Variants in KIF13B observed in about 807,000 individuals in gnomAD.
KIF13B encodes kinesin-like protein KIF13B.
A neutral mutation model predicts 222.0 loss-of-function variants in KIF13B; 127 were observed. The observed-to-expected ratio is 0.57, with a 90% confidence interval of 0.50 to 0.66. KIF13B has a LOEUF of 0.66. KIF13B is among the 30% of genes least tolerant of loss of function. The pLI is 0.00. For missense variants in KIF13B, 2,173 were observed against 2,379.0 expected, an observed-to-expected ratio of 0.91 and a Z score of 1.80; for synonymous variants, 976 against 919.0, an observed-to-expected ratio of 1.06 and a Z score of -1.12.
At chr8:29,072,879 AC>A (rs962755508) in intron 38 of KIF13B, among the ~76,000 whole-genome samples, 33 of 152,012 alleles carry the variant, frequency 2.2e-4, no homozygotes, top group Non-Finnish European at 3.4e-4. Flanking sequence ...GCCCCTGCCC[AC>A]CCCCAACCTC....
At chr8:29,211,335 G>A (rs1431755488) in intron 2 of KIF13B, among the ~76,000 whole-genome samples, 2 of 152,260 alleles carry the variant, frequency 1.3e-5, no homozygotes, top group African/African-American at 4.8e-5. Context: ...TGAAGCAAAT[G>A]TGTTCAGACG....
rs569351315 is a variant in KIF13B at position 29,248,308 on chromosome 8, G to A, written c.56-2869C>T. Reference sequence around the variant, plus strand: ...CCAAATGTCCATCAACTGACCAATGGGTAAATGTGGCATATCCCTAGCGCA... The same window carrying A: ...CCAAATGTCCATCAACTGACCAATGAGTAAATGTGGCATATCCCTAGCGCA... On this transcript the variant is annotated intron_variant, in intron 1 of 39. Transcript: ENST00000524189. Among the ~76,000 whole-genome samples, 18 of 152,210 alleles carry A rather than the reference G, an allele frequency of 1.2e-4. 1 individual carries two copies. In the South Asian group the frequency reaches 3.5e-3, roughly 30 times the overall value.
intron 1 of KIF13B, among the ~76,000 whole-genome samples, chr8:29,252,949 T>C (rs922947968): frequency 2.6e-5 from 4 of 152,202 alleles, no homozygotes; most frequent in Non-Finnish European, 5.9e-5. Flanking sequence ...TACTTTTATA[T>C]TGTTACTAGT....
chr8:29,123,641 A>T, intron 27 of KIF13B, 149 bp from the exon 28 acceptor site: 1 of 1,031,248 alleles, frequency 9.7e-7, no homozygotes. Flanking sequence ...TAGAGAGGTC[A>T]GATGGGCTCC....
chr8:29,100,925 G>C lies in KIF13B; in HGVS notation c.4216-1684C>G, dbSNP rs144542500. On this transcript the variant is annotated intron_variant, in intron 35 of 39. Coordinates refer to ENST00000524189, the MANE Select transcript of KIF13B (RefSeq NM_015254.4). ...AAAATCAATAAGCCCTAAGTGATCT[G>C]GGTCCTGCGCACCTCAGAGAATGCC... is the stretch of plus-strand genomic sequence containing the variant. Among the ~76,000 whole-genome samples, 328 of 152,224 alleles carry C rather than the reference G, an allele frequency of 2.2e-3. 2 individuals are homozygous for C. Among genetic ancestry groups the C allele is most frequent in the African/African-American group, 6.8e-3 (282 of 41,524 alleles).
At chr8:29,235,899 G>C (rs1002076170) in intron 2 of KIF13B, among the ~76,000 whole-genome samples, 1 of 152,160 alleles carries the variant, frequency 6.6e-6, no homozygotes, top group Non-Finnish European at 1.5e-5. Context: ...AGAATGAAAA[G>C]GAATGCTAGA....
At chr8:29,192,416 G>A (rs975945005) in intron 3 of KIF13B, among the ~76,000 whole-genome samples, 1 of 152,056 alleles carries the variant, frequency 6.6e-6, no homozygotes, top group African/African-American at 2.4e-5. Context: ...TTGTTGTTGT[G>A]TTTTTCTAGT....
At chr8:29,098,708 A>G (rs1275066479) in intron 36 of KIF13B, among the ~76,000 whole-genome samples, 1 of 152,110 alleles carries the variant, frequency 6.6e-6, no homozygotes, top group African/African-American at 2.4e-5. Flanking sequence ...ACATTTAAGG[A>G]AGAGGTAATA....
Position 29,177,523 on chromosome 8 carries a change from C to T in KIF13B, c.776G>A (p.Arg259Gln), listed in dbSNP as rs763630388. Residue 259 changes from arginine to glutamine, a missense_variant, in exon 9 of 40, where the codon CGA becomes CAA. Arg to Gln is a conservative substitution (Grantham distance 43). Transcript: ENST00000524189. ...LSLVDLAGSE[R>Q]ATKTGAAGDR... is the part of the protein sequence containing the mutation. ...CCCTGCAGCGCCTGTCTTCGTTGCTCGTTCACTGCCAGCTAAATCCACCAG... is the reference window on the plus strand; with the variant it reads ...CCCTGCAGCGCCTGTCTTCGTTGCTTGTTCACTGCCAGCTAAATCCACCAG... 12 of 1,613,794 alleles carry T rather than the reference C, an allele frequency of 7.4e-6. No individual in the cohort carries two copies. Among genetic ancestry groups the T allele is most frequent in the Admixed American group, 1.7e-5 (1 of 60,008 alleles).
chr8:29,127,716 G>A (rs1810176664), intron 24 of KIF13B, among the ~76,000 whole-genome samples: 1 of 152,124 alleles, frequency 6.6e-6, no homozygotes, highest in African/African-American at 2.4e-5. Context: ...TTAAATTGGT[G>A]CAAGTTTTCT....
intron 33 of KIF13B, among the ~76,000 whole-genome samples, 175 bp downstream of exon 33, chr8:29,109,743 G>A (rs114596455): frequency 0.015 from 2,305 of 152,226 alleles, 63 homozygotes; most frequent in African/African-American, 0.053. Flanking sequence ...TTAAATAAAG[G>A]CTGTTACTTT....
Position 29,070,715 on chromosome 8 carries a change from C to A in KIF13B, c.5270G>T (p.Gly1757Val), listed in dbSNP as rs965980979. 6.4e-7 allele frequency: 1 copy of A among 1,563,060 alleles called. No individual in the cohort carries two copies. Among genetic ancestry groups the A allele is most frequent in the East Asian group, 2.4e-5 (1 of 41,740 alleles). The change falls in exon 40 of 40, where the codon GGC becomes GTC. Residue 1757 changes from glycine (G) to valine (V), a missense_variant. By Grantham distance (109) the Gly-to-Val change is moderately radical. This residue lies in a region of KIF13B where 693 missense variants were observed against 656.2 expected (regional missense o/e 1.06). Transcript: ENST00000524189. This position sits in a 1 kb window ranked among gnomAD's most constrained non-coding sequence, Gnocchi z 4.1. ...GCTGGGCCTGACCAGCAGCCCGTAG[C>A]CAGGGTTACACCTGAAGTACTGCTT... ...GGKQYFRCNPGYGLLVRPSRV... is the reference protein window; with the variant it reads ...GGKQYFRCNPVYGLLVRPSRV...
At chr8:29,234,171 A>T (rs923446759) in intron 2 of KIF13B, among the ~76,000 whole-genome samples, 6 of 152,094 alleles carry the variant, frequency 3.9e-5, no homozygotes, top group African/African-American at 1.4e-4. Flanking sequence ...CTGGGTCTAT[A>T]CCCAAAATAA....
chr8:29,130,557 T>C lies in KIF13B; in HGVS notation c.3051A>G (p.Thr1017=). The change falls in exon 24 of 40, where the codon ACA becomes ACG. Residue 1017 remains threonine (T), a synonymous_variant. Transcript: ENST00000524189. ...VEVISAKDVP[T]GGIFQLRQGQ... is the part of the protein sequence containing the mutation. ...CCTGCCGGAGCTGGAAGATTCCTCC[T>C]GTTGGGACATCCTTTGCAGAAATCA... 6.2e-7 allele frequency: 1 copy of C among 1,613,836 alleles called. No homozygotes were observed.
At chr8:29,218,725 A>G (rs1814605814) in intron 2 of KIF13B, among the ~76,000 whole-genome samples, 1 of 152,232 alleles carries the variant, frequency 6.6e-6, no homozygotes, top group Admixed American at 6.5e-5. Flanking sequence ...GGATTATATA[A>G]AGCAAACAAA....
intron 2 of KIF13B, among the ~76,000 whole-genome samples, chr8:29,217,185 AGGCCTGCAACTGTCC>A (rs1223278133): frequency 2.0e-5 from 3 of 152,152 alleles, no homozygotes; most frequent in Admixed American, 2.0e-4. Flanking sequence ...CCTGTAGAGG[AGGCCTGCAACTGTCC>A]GGCCTGCCTG....
Position 29,095,979 on chromosome 8 carries a change from GTTT to G in KIF13B, c.4325-3104_4325-3102del, listed in dbSNP as rs1194410336. 1.9e-3 allele frequency among the ~76,000 whole-genome samples: 264 copies of G among 141,702 alleles called. 1 individual carries two copies. Among genetic ancestry groups the G allele is most frequent in the African/African-American group, 6.6e-3 (256 of 38,588 alleles). 93.0% of individuals were successfully genotyped at this position (141,702 alleles called of 152,430 possible). On this transcript the variant is annotated intron_variant, in intron 36 of 39. Transcript: ENST00000524189. The stretch of plus-strand genomic sequence containing the variant: ...AGACAAGTAGTGTTTTTTTTTGTTT[GTTT>G]TTTGTTTTTTTTTTTTTAAGACAGA...
chr8:29,197,359 A>AAAAAAAAAAT (rs750396323), intron 2 of KIF13B, among the ~76,000 whole-genome samples: 1 of 148,192 alleles, frequency 6.7e-6, no homozygotes, highest in African/African-American at 2.5e-5. Context: ...AAAAAAAAAA[A>AAAAAAAAAAT]AACTCAATAT....
chr8:29,118,808 T>C (rs550757752), intron 30 of KIF13B, 60 bp downstream of exon 30: 1 of 1,578,488 alleles, frequency 6.3e-7, no homozygotes, highest in African/African-American at 1.4e-5. Context: ...TTCAAAAAGC[T>C]CGAGGAGAGG....
Sources: gnomAD v4.1 joint callset for allele counts (sites outside exome capture counted in the v4.1 genomes callset) on GRCh38, gnomAD v4.1.1 for gene constraint, gnomAD v4.1.1 regional missense constraint, Gnocchi (gnomAD v3.1) non-coding constraint, MANE v1.5 for transcripts, NCBI Gene and HGNC (gene_info 2026-07-23, HGNC 2026-07-21) for gene names.